Variants in DNAH9 observed in about 807,000 individuals in gnomAD.
DNAH9 encodes dynein axonemal heavy chain 9.
In DNAH9, 345 loss-of-function variants were observed where a neutral mutation model predicts 471.6. The ratio of observed to expected loss-of-function variants is 0.73; its 90% CI spans 0.67 to 0.80. The LOEUF (loss-of-function observed/expected upper bound fraction) is 0.80, where lower values mean the gene tolerates loss of function less well. Ranked by LOEUF, DNAH9 falls within the 30% of genes least tolerant of loss-of-function variation. The pLI, the probability that DNAH9 is intolerant of heterozygous loss-of-function variation, is 0.00. For missense variants in DNAH9, 5,407 were observed against 5,609.2 expected (o/e 0.96, Z 1.15); for synonymous variants, 2,093 against 2,123.6 (o/e 0.99, Z 0.40).
intron 6 of DNAH9, chr17:11,620,034 A>T (rs2072823324): frequency 2.1e-6 from 1 of 482,034 alleles, no homozygotes; most frequent in African/African-American, 1.9e-5. Context: ...AACATGGCAA[A>T]ACGCCTTCTC....
rs1053934355 is a variant in DNAH9, at chr17:11,742,273, T to G, written c.6071T>G (p.Ile2024Ser). 1 of 1,614,052 alleles carries G rather than the reference T, an allele frequency of 6.2e-7. No individual in the cohort carries two copies. Among genetic ancestry groups the G allele is most frequent in the Non-Finnish European group, 8.5e-7 (1 of 1,180,020 alleles). The change falls in exon 30 of 69, where the codon ATC becomes AGC. Residue 2024 changes from isoleucine (I) to serine (S), a missense_variant. Ile to Ser is a moderately radical substitution (Grantham distance 142, BLOSUM62 -2). Around this residue, in one of 3 missense-constraint regions of DNAH9, gnomAD observed 4,636 missense variants for 4,900.3 expected, o/e 0.95. Transcript: ENST00000262442. ...GCCCAGTCATTAGCCAGAAAGTTCA[T>G]CACTCTTTACCAGTTGTGCAAAGAG... ...IEAQSLARKF[I>S]TLYQLCKELL...
At chr17:11,946,435 G>T (rs1975125994) in intron 67 of DNAH9, among the ~76,000 whole-genome samples, 1 of 151,700 alleles carries the variant, frequency 6.6e-6, no homozygotes, top group Admixed American at 6.6e-5. Context: ...AGGGCAAGGT[G>T]GGTGGATCAC....
chr17:11,891,726 G>T, intron 57 of DNAH9, 51 bp from the exon 58 acceptor site: 1 of 1,585,236 alleles, frequency 6.3e-7, no homozygotes, highest in South Asian at 1.1e-5. Context: ...GACCACTAGT[G>T]TATAGTAAGA....
chr17:11,916,368 T>C (rs1182978492), intron 61 of DNAH9, among the ~76,000 whole-genome samples: 1 of 152,248 alleles, frequency 6.6e-6, no homozygotes, highest in Non-Finnish European at 1.5e-5. Flanking sequence ...GCAATATTGC[T>C]GTTCATCAAC....
intron 12 of DNAH9, among the ~76,000 whole-genome samples, chr17:11,648,507 T>G (rs79559794): frequency 0.043 from 6,557 of 152,224 alleles, 217 homozygotes; most frequent in Non-Finnish European, 0.063. Flanking sequence ...GTCCTCAGTA[T>G]AAGATATATT....
chr17:11,698,232 CAATATATTATAT>C (rs1376456296), intron 22 of DNAH9, among the ~76,000 whole-genome samples: 1 of 27,930 alleles, frequency 3.6e-5, no homozygotes, highest in Admixed American at 5.4e-4. Flanking sequence ...AATATAATAG[CAATATATTATAT>C]AATATATTAA....
intron 59 of DNAH9, among the ~76,000 whole-genome samples, chr17:11,897,473 T>C (rs1284393868): frequency 6.6e-6 from 1 of 152,224 alleles, no homozygotes; most frequent in Non-Finnish European, 1.5e-5. Flanking sequence ...TGGGAGTCAC[T>C]CATGGCCAGT....
intron 25 of DNAH9, 21 bp from the exon 26 acceptor site, chr17:11,705,004 A>G: frequency 1.2e-6 from 2 of 1,609,758 alleles, no homozygotes; most frequent in Non-Finnish European, 1.7e-6. Context: ...TCACCCACCT[A>G]CTCTACCACT....
At chr17:11,905,566 A>T in intron 60 of DNAH9, 95 bp from the exon 61 acceptor site, 22 of 1,089,096 alleles carry the variant, frequency 2.0e-5, no homozygotes, top group Non-Finnish European at 2.5e-5. Flanking sequence ...GACCTTGAGC[A>T]TGTTCTTTCA....
At chr17:11,931,900 A>G (rs955618023) in intron 63 of DNAH9, 114 bp from the exon 64 acceptor site, 35 of 1,287,464 alleles carry the variant, frequency 2.7e-5, no homozygotes, top group Non-Finnish European at 3.7e-5. Flanking sequence ...CTCAAACCCA[A>G]ACCAGAATAT....
At position 11,669,051 on chromosome 17, in the gene DNAH9, C is replaced by G. The variant is rs778391170; in HGVS notation, c.2732-13C>G. ...ACTCTTTGTTTTGTTTGCTTGTTTT[C>G]TGTGTTTTTCAGAGTGTAAGGCAGG... On this transcript the variant is annotated splice_polypyrimidine_tract_variant and intron_variant, in intron 15 of 68. Transcript: ENST00000262442. 1 of 1,583,476 alleles carries G rather than the reference C, an allele frequency of 6.3e-7. No homozygotes were observed. The highest frequency in any genetic ancestry group is 1.4e-5 in the African/African-American group (1 of 73,604).
intron 10 of DNAH9, among the ~76,000 whole-genome samples, chr17:11,643,391 C>T (rs569134082): frequency 7.2e-4 from 110 of 152,030 alleles, no homozygotes; most frequent in Non-Finnish European, 2.6e-4. Context: ...TTTCGGATCG[C>T]GTGTTCTAGA....
intron 1 of DNAH9, among the ~76,000 whole-genome samples, chr17:11,606,703 A>T (rs1360719101): frequency 6.6e-6 from 1 of 152,060 alleles, no homozygotes; most frequent in Non-Finnish European, 1.5e-5. Flanking sequence ...CCACCTCGGT[A>T]TACTGACAAG....
intron 14 of DNAH9, among the ~76,000 whole-genome samples, chr17:11,659,558 C>G (rs1205017382): frequency 6.6e-6 from 1 of 152,222 alleles, no homozygotes; most frequent in Non-Finnish European, 1.5e-5. Flanking sequence ...TCACTGGCCC[C>G]TTGCTCCTTG....
rs748842909 is a variant in DNAH9, at chr17:11,854,324, G to A, written c.9829G>A (p.Glu3277Lys). 3.1e-6 allele frequency: 5 copies of A among 1,614,074 alleles called. No homozygotes were observed. The South Asian group carries it at 4.4e-5, about 14-fold the overall frequency. ...GGTCATCAATATTGTGAGATTTTAT[G>A]AGGTGTTCTGTGATGTGGAACCCAA... ...SWVINIVRFYEVFCDVEPKRQ... is the reference protein window; with the variant it reads ...SWVINIVRFYKVFCDVEPKRQ... The change falls in exon 50 of 69, where the codon GAG becomes AAG. Residue 3277 changes from glutamate to lysine, a missense_variant. Around this residue, in one of 3 missense-constraint regions of DNAH9, gnomAD observed 4,636 missense variants for 4,900.3 expected, o/e 0.95. Transcript: ENST00000262442.
chr17:11,601,350 A>T (rs1259915122), intron 1 of DNAH9, among the ~76,000 whole-genome samples: 1 of 72,016 alleles, frequency 1.4e-5, no homozygotes, highest in African/African-American at 5.5e-5. Context: ...GAAAGGAAGG[A>T]GGGAAGGGAG....
chr17:11,629,667 T>A, intron 7 of DNAH9, 83 bp downstream of exon 7: 1 of 1,276,038 alleles, frequency 7.8e-7, no homozygotes. Flanking sequence ...TTTACTTGCA[T>A]TTTCCCTGTG....
At chr17:11,949,403 C>T (rs995058932) in intron 67 of DNAH9, among the ~76,000 whole-genome samples, 5 of 152,022 alleles carry the variant, frequency 3.3e-5, no homozygotes, top group African/African-American at 1.2e-4. Context: ...CGCTGTTAAA[C>T]AGGATTCAGG....
rs760899143 is a variant in DNAH9, at chr17:11,869,157, G to A, written c.9957G>A (p.Lys3319=). The change falls in exon 51 of 69, where the codon AAG becomes AAA. Residue 3319 remains lysine (K), a synonymous_variant. Transcript: ENST00000262442. ...AGCACCTTAATGAAAACCTGGCAAA[G>A]CTCACAGCCAGGTTTGAGAAAGCAA... The part of the protein sequence containing the change: ...KIAHLNENLA[K]LTARFEKATA... 3 of 1,613,602 alleles carry A rather than the reference G, an allele frequency of 1.9e-6. No individual in the cohort carries two copies. Among genetic ancestry groups the A allele is most frequent in the Non-Finnish European group, 1.7e-6 (2 of 1,179,778 alleles).
Sources: allele counts gnomAD v4.1 joint callset (sites outside exome capture counted in the v4.1 genomes callset), GRCh38; gene constraint gnomAD v4.1.1; regional missense constraint gnomAD v4.1.1; transcripts MANE v1.5; gene names NCBI Gene and HGNC (gene_info 2026-07-23, HGNC 2026-07-21).